Variants in TEKT3 observed in about 807,000 individuals in gnomAD.
TEKT3 encodes tektin-3.
Under a neutral mutation model 49.8 loss-of-function variants are expected in TEKT3, and 49 were observed. The ratio of observed to expected loss-of-function variants is 0.98; its 90% confidence interval spans 0.78 to 1.25. The LOEUF is 1.25. Ranked by LOEUF, TEKT3 falls within the 50% of genes most tolerant of loss-of-function variation. TEKT3 has a pLI of 0.00. For synonymous variants in TEKT3, 225 were observed against 237.2 expected, an observed-to-expected ratio of 0.95 and a Z score of 0.47; for missense variants, 595 against 629.5, an observed-to-expected ratio of 0.95 and a Z score of 0.59.
At chr17:15,342,497 G>A (rs190072848), upstream of TEKT3, among the ~76,000 whole-genome samples, 7 of 152,254 alleles carry the variant, frequency 4.6e-5, no homozygotes, top group East Asian at 1.9e-4. Context: ...AGGACGAGGC[G>A]GAGGGACTTG....
intron 4 of TEKT3, among the ~76,000 whole-genome samples, chr17:15,319,861 T>C (rs979600843): frequency 9.9e-5 from 15 of 152,244 alleles, no homozygotes; most frequent in African/African-American, 3.4e-4. Flanking sequence ...ACATTATGTA[T>C]GCACATTAGA....
At chr17:15,308,612 G>A in intron 8 of TEKT3, 52 bp downstream of exon 8, 1 of 1,580,240 alleles carries the variant, frequency 6.3e-7, no homozygotes, top group Non-Finnish European at 8.6e-7. Flanking sequence ...AGGCACCACA[G>A]TTGGTCTGGT....
At position 15,312,534 on chromosome 17, in the gene TEKT3, A is replaced by T. The variant is rs1597659542; in HGVS notation, c.879-53T>A. On this transcript the variant is annotated intron_variant, in intron 6 of 8. Coordinates refer to ENST00000395930, the MANE Select transcript of TEKT3 (RefSeq NM_031898.3). ...CAGTGAGAGTGATGAATCAGCCTACAGGATCGCTAGGCAATCATTTATCCT... is the reference window on the plus strand; with the variant it reads ...CAGTGAGAGTGATGAATCAGCCTACTGGATCGCTAGGCAATCATTTATCCT... 1.1e-5 allele frequency: 16 copies of T among 1,506,452 alleles called. No individual in the cohort carries two copies. In the East Asian group the frequency reaches 3.4e-4, roughly 32 times the overall value. 93.3% of individuals were successfully genotyped at this position (1,506,452 alleles called of 1,614,324 possible). A position where few individuals can be genotyped will look rare whatever the true frequency, so the allele number is the denominator to read the frequency against.
At chr17:15,321,140 G>T (rs1005192329) in intron 4 of TEKT3, among the ~76,000 whole-genome samples, 1 of 151,700 alleles carries the variant, frequency 6.6e-6, no homozygotes, top group Non-Finnish European at 1.5e-5. Context: ...TTCCTGAGTA[G>T]CTGGGACTAC....
chr17:15,324,281 C>CT lies in TEKT3; in HGVS notation c.663+3710dup, dbSNP rs200841300. On this transcript the variant is annotated intron_variant, in intron 4 of 8. Transcript: ENST00000395930. ...ATAGCAACAGATAAGCACATCATTC[C>CT]TTTTTTTTGGCAGAATAACCTGTTG... Among the ~76,000 whole-genome samples the CT allele has an allele frequency of 1.8e-3, 273 of 151,964 alleles. 1 individual carries two copies. Among genetic ancestry groups the CT allele is most frequent in the African/African-American group, 6.0e-3 (249 of 41,478 alleles).
chr17:15,323,385 C>T (rs1911347976), intron 4 of TEKT3, among the ~76,000 whole-genome samples: 1 of 152,182 alleles, frequency 6.6e-6, no homozygotes, highest in Admixed American at 6.5e-5. Flanking sequence ...CATCCCAGAG[C>T]CAGACCAGGG....
Position 15,312,480 on chromosome 17 carries a change from CA to C in TEKT3, c.879del (p.Val294SerfsTer28), listed in dbSNP as rs1236370264. 1 of 1,613,852 alleles carries C rather than the reference CA, an allele frequency of 6.2e-7. No homozygotes were observed. The highest frequency in any genetic ancestry group is 1.1e-5 in the South Asian group (1 of 91,062). On this transcript the variant is annotated frameshift_variant and splice_region_variant, in exon 7 of 9. Transcript: ENST00000395930. LOFTEE classifies it high-confidence loss of function. Reference protein sequence around the residue: ...YFRGVERVDATVSVPESWAKF... With the variant: ...YFRGVERVDAXVSVPESWAKF... ...TTGGCCCAGGACTCAGGCACTGAGACACTGAAAAAGAGAAGCAGAAGCAGAC... is the reference window on the plus strand; with the variant it reads ...TTGGCCCAGGACTCAGGCACTGAGACCTGAAAAAGAGAAGCAGAAGCAGAC...
intron 2 of TEKT3, among the ~76,000 whole-genome samples, chr17:15,335,446 C>T (rs765731520): frequency 5.9e-5 from 9 of 152,116 alleles, no homozygotes; most frequent in Non-Finnish European, 1.3e-4. Flanking sequence ...TTGACAATCA[C>T]CTGGAGCATT....
At chr17:15,325,278 CA>C (rs892647980) in intron 4 of TEKT3, among the ~76,000 whole-genome samples, 1 of 152,130 alleles carries the variant, frequency 6.6e-6, no homozygotes, top group Non-Finnish European at 1.5e-5. Context: ...CCAATTTTTA[CA>C]AAGAAGTCAG....
At position 15,331,002 on chromosome 17, in the gene TEKT3, C is replaced by A; in HGVS notation, c.579+5G>T. The A allele has an allele frequency of 3.1e-6, 5 of 1,601,404 alleles. No homozygotes were observed. The highest frequency in any genetic ancestry group is 4.3e-6 in the Non-Finnish European group (5 of 1,174,046). On this transcript the variant is annotated splice_donor_5th_base_variant and intron_variant, in intron 3 of 8. Transcript: ENST00000395930. ...AATTCAGTGTGTTCTATCATAAGGT[C>A]TTACCTGAAGAGGGGCTTCAGTCTC...
intron 2 of TEKT3, among the ~76,000 whole-genome samples, 187 bp downstream of exon 2, chr17:15,339,841 G>T (rs1382360063): frequency 2.0e-5 from 3 of 151,984 alleles, no homozygotes; most frequent in Non-Finnish European, 4.4e-5. Flanking sequence ...ACCAGAAGTA[G>T]AAGAAATCAT....
chr17:15,315,588 A>AG (rs1166628808), intron 5 of TEKT3, among the ~76,000 whole-genome samples: 1 of 114,784 alleles, frequency 8.7e-6, no homozygotes, highest in Non-Finnish European at 2.0e-5. Flanking sequence ...AACACCAGTG[A>AG]GAAAAAAAAA....
chr17:15,321,356 C>T (rs2610065), intron 4 of TEKT3, among the ~76,000 whole-genome samples: 70,812 of 151,888 alleles, frequency 0.47, 17,662 homozygotes, highest in African/African-American at 0.63. Context: ...ATGATGAATG[C>T]CAGATGGTTG....
chr17:15,321,103 G>A (rs1042527918), intron 4 of TEKT3, among the ~76,000 whole-genome samples: 11 of 150,062 alleles, frequency 7.3e-5, no homozygotes, highest in African/African-American at 2.5e-4. Context: ...TCCACCCCCC[G>A]GGTTCACGCC....
Position 15,331,393 on chromosome 17 carries a change from C to T in TEKT3, c.193G>A (p.Val65Met), listed in dbSNP as rs141313239. ...YYKVASNSPS[V>M]APYCTRSQRV... Reference sequence around the variant, plus strand: ...TGTGATCTGGTGCAGTACGGGGCCACGCTTGGGGAATTGGAGGCGACTTTG... The same window carrying T: ...TGTGATCTGGTGCAGTACGGGGCCATGCTTGGGGAATTGGAGGCGACTTTG... The change falls in exon 3 of 9, where the codon GTG becomes ATG. Residue 65 changes from valine to methionine, a missense_variant. By Grantham distance (21) the Val-to-Met change is conservative. Coordinates refer to ENST00000395930, the MANE Select transcript of TEKT3 (RefSeq NM_031898.3). The T allele has an allele frequency of 9.7e-5, 156 of 1,614,072 alleles. 1 individual carries two copies. In the African/African-American group the frequency reaches 1.6e-3, roughly 17 times the overall value.
rs745754806 is a variant in TEKT3 at position 15,304,041 on chromosome 17, C to T, written c.1368G>A (p.Glu456=). The T allele has an allele frequency of 1.2e-6, 2 of 1,613,994 alleles. No individual in the cohort carries two copies. Among genetic ancestry groups the T allele is most frequent in the Non-Finnish European group, 1.7e-6 (2 of 1,180,028 alleles). The change falls in exon 9 of 9, where the codon GAG becomes GAA. Residue 456 remains glutamate, a synonymous_variant. Coordinates refer to ENST00000395930, the MANE Select transcript of TEKT3 (RefSeq NM_031898.3). This position sits in a 1 kb window ranked among gnomAD's most constrained non-coding sequence, Gnocchi z 4.7. ...AATTGGCTTTGACAGCCAGGTCATA[C>T]TCGAGTGTGGCTTTGATGTGGACCA... ...QSLVHIKATL[E]YDLAVKANSL... is the part of the protein sequence containing the mutation.
At chr17:15,326,987 T>C (rs944678435) in intron 4 of TEKT3, among the ~76,000 whole-genome samples, 1 of 152,134 alleles carries the variant, frequency 6.6e-6, no homozygotes, top group Non-Finnish European at 1.5e-5. Flanking sequence ...TTCAAATGCA[T>C]AGAACCTTTG....
intron 4 of TEKT3, among the ~76,000 whole-genome samples, chr17:15,319,366 G>A (rs1374164206): frequency 1.3e-5 from 2 of 152,048 alleles, no homozygotes; most frequent in Admixed American, 6.6e-5. Flanking sequence ...TCGGTCCATG[G>A]GGAAATTATA....
chr17:15,320,964 A>C (rs1250633466), intron 4 of TEKT3, among the ~76,000 whole-genome samples: 1 of 152,148 alleles, frequency 6.6e-6, no homozygotes, highest in Non-Finnish European at 1.5e-5. Flanking sequence ...GTGAGGGAAA[A>C]AAAATGCATT....
Sources: allele counts gnomAD v4.1 joint callset (sites outside exome capture counted in the v4.1 genomes callset), GRCh38; gene constraint gnomAD v4.1.1; non-coding constraint Gnocchi (gnomAD v3.1); transcripts MANE v1.5; gene names NCBI Gene and HGNC (gene_info 2026-07-23, HGNC 2026-07-21).